The following NRF1 variants were observed in gnomAD, a reference collection of about 807,000 sequenced individuals.
The protein encoded by NRF1 is alpha palindromic-binding protein.
Under a neutral mutation model 58.5 loss-of-function variants are expected in NRF1, and 5 were observed. The ratio of observed to expected loss-of-function variants is 0.09; its 90% CI spans 0.04 to 0.18. NRF1 has a LOEUF of 0.18. NRF1 is among the 10% of genes least tolerant of loss of function. The probability of loss-of-function intolerance (pLI) is 1.00; values close to 1 mark genes in which losing one functional copy is unlikely to be tolerated. For synonymous variants in NRF1, 224 were observed against 246.7 expected (o/e 0.91, Z 0.86); for missense variants, 288 against 657.7 (o/e 0.44, Z 6.15).
At chr7:129,635,062 G>C (rs973980869) in intron 1 of NRF1, among the ~76,000 whole-genome samples, 2 of 152,100 alleles carry the variant, frequency 1.3e-5, no homozygotes, top group African/African-American at 4.8e-5. Flanking sequence ...GCATTTGTTG[G>C]AATAGTGTAT....
intron 9 of NRF1, among the ~76,000 whole-genome samples, chr7:129,718,490 G>A (rs1803242180): frequency 6.6e-6 from 1 of 152,172 alleles, no homozygotes; most frequent in Non-Finnish European, 1.5e-5. Flanking sequence ...TACTGGGTAA[G>A]GCTGTAAATA....
chr7:129,734,998 T>G (rs1348128394), intron 10 of NRF1: 1 of 947,242 alleles, frequency 1.1e-6, no homozygotes, highest in African/African-American at 1.8e-5. Flanking sequence ...AGGGGCGTGT[T>G]CATTTTTGCC....
At chr7:129,695,508 G>A (rs1169657327) in intron 5 of NRF1, among the ~76,000 whole-genome samples, 6 of 151,434 alleles carry the variant, frequency 4.0e-5, no homozygotes, top group East Asian at 1.9e-4. Flanking sequence ...CCTGGGAGGC[G>A]GAGGTTACAT....
chr7:129,682,630 TA>T (rs771494622), intron 4 of NRF1, among the ~76,000 whole-genome samples: 14,905 of 87,862 alleles, frequency 0.17, 1,098 homozygotes, highest in African/African-American at 0.29. Context: ...CAAAAAAATG[TA>T]AAAAAAAAAA....
intron 9 of NRF1, among the ~76,000 whole-genome samples, chr7:129,719,875 C>G (rs970994936): frequency 2.0e-5 from 3 of 152,134 alleles, no homozygotes; most frequent in South Asian, 2.1e-4. Flanking sequence ...ACCAGCAAAA[C>G]TTGATTTCAT....
chr7:129,659,833 C>A (rs2151076960), intron 2 of NRF1, among the ~76,000 whole-genome samples: 1 of 152,296 alleles, frequency 6.6e-6, no homozygotes, highest in Admixed American at 6.5e-5. Flanking sequence ...TGTCTCTTAA[C>A]CATCTGTTCT....
chr7:129,715,061 A>T (rs1331278928), intron 8 of NRF1, among the ~76,000 whole-genome samples: 3 of 152,172 alleles, frequency 2.0e-5, no homozygotes, highest in African/African-American at 7.2e-5. Flanking sequence ...TTCAGTTTTG[A>T]GGGTGGGTAG....
intron 1 of NRF1, among the ~76,000 whole-genome samples, chr7:129,619,996 G>GGTCCACAACATTTATGAGATTT (rs1034153054): frequency 6.6e-6 from 1 of 151,828 alleles, no homozygotes; most frequent in African/African-American, 2.4e-5. Flanking sequence ...CTGGGGAGAG[G>GGTCCACAACATTTATGAGATTT]GTCCACAACA....
chr7:129,687,808 A>T (rs184553517), intron 4 of NRF1, among the ~76,000 whole-genome samples: 1 of 152,356 alleles, frequency 6.6e-6, no homozygotes, highest in East Asian at 1.9e-4. Context: ...AGAAAAATGC[A>T]TCTCAGAATT....
At position 129,724,534 on chromosome 7, in the gene NRF1, A is replaced by G. The variant is rs142181285; in HGVS notation, c.1224-2707A>G. Among the ~76,000 whole-genome samples, 65 of 152,362 alleles carry G rather than the reference A, an allele frequency of 4.3e-4. No homozygotes were observed. The East Asian group carries it at 0.012, about 27-fold the overall frequency. ...TTGCAGCAAATCCACTTCTGGGTAC[A>G]TATCCCAAAGAATTGAAAGCAGGAT... is the stretch of plus-strand genomic sequence containing the variant. On this transcript the variant is annotated intron_variant, in intron 9 of 10. Coordinates refer to ENST00000393232, the MANE Select transcript of NRF1 (RefSeq NM_005011.5).
chr7:129,693,270 T>C (rs1348801235), intron 5 of NRF1, among the ~76,000 whole-genome samples: 1 of 152,196 alleles, frequency 6.6e-6, no homozygotes, highest in African/African-American at 2.4e-5. Flanking sequence ...GGTGGCACTT[T>C]TATTTTTTAT....
At position 129,677,689 on chromosome 7, in the gene NRF1, C is replaced by A. The variant is rs767600512; in HGVS notation, c.396C>A (p.Val132=). ...CTCGTGTGGGACAGCAAGCTATTGT[C>A]CTCTGTATCTCACCCTCCAAACCTA... ...YTTRVGQQAI[V]LCISPSKPNP... The change falls in exon 4 of 11, where the codon GTC becomes GTA. Residue 132 remains valine, a synonymous_variant. Transcript: ENST00000393232. The A allele has an allele frequency of 3.7e-6, 6 of 1,614,056 alleles. No homozygotes were observed. The highest frequency in any genetic ancestry group is 5.1e-6 in the Non-Finnish European group (6 of 1,179,920).
At position 129,637,553 on chromosome 7, in the gene NRF1, C is replaced by T. The variant is rs534570325; in HGVS notation, c.-6-19793C>T. ...TTTTATAATCCATAATTCTATTTTG[C>T]ATAGATAAAAAGTATTCTTAATAGT... On this transcript the variant is annotated intron_variant, in intron 1 of 10. Coordinates refer to ENST00000393232, the MANE Select transcript of NRF1 (RefSeq NM_005011.5). Among the ~76,000 whole-genome samples, 4 of 151,926 alleles carry T rather than the reference C, an allele frequency of 2.6e-5. No individual in the cohort carries two copies. The South Asian group carries it at 8.3e-4, about 32-fold the overall frequency.
At chr7:129,611,954 C>A (rs1364796304) in intron 1 of NRF1, 130 bp downstream of exon 1, 1 of 148,462 alleles carries the variant, frequency 6.7e-6, no homozygotes, top group African/African-American at 2.4e-5. Flanking sequence ...GCCTGGGCCC[C>A]CGCCGGATTC....
At chr7:129,692,208 A>G (rs1473486533) in intron 5 of NRF1, among the ~76,000 whole-genome samples, 1 of 152,082 alleles carries the variant, frequency 6.6e-6, no homozygotes, top group East Asian at 1.9e-4. Context: ...CATCTCTCAT[A>G]TAGCCTATCC....
intron 5 of NRF1, among the ~76,000 whole-genome samples, 174 bp from the exon 6 acceptor site, chr7:129,708,901 A>G (rs1803009738): frequency 1.3e-5 from 2 of 152,106 alleles, no homozygotes; most frequent in Non-Finnish European, 2.9e-5. Context: ...ATTCTCAACC[A>G]CCCATGGAGA....
chr7:129,695,279 A>G (rs1472814486), intron 5 of NRF1, among the ~76,000 whole-genome samples: 2 of 151,986 alleles, frequency 1.3e-5, no homozygotes, highest in African/African-American at 4.8e-5. Context: ...AGGGATGCAC[A>G]TTAAAATCTT....
At chr7:129,628,315 T>C (rs1401771298) in intron 1 of NRF1, among the ~76,000 whole-genome samples, 1 of 148,956 alleles carries the variant, frequency 6.7e-6, no homozygotes, top group African/African-American at 2.5e-5. Context: ...TAATCTTTGC[T>C]CTCCTGACCC....
intron 1 of NRF1, among the ~76,000 whole-genome samples, chr7:129,613,606 A>C (rs938517904): frequency 3.3e-5 from 5 of 152,084 alleles, no homozygotes; most frequent in African/African-American, 1.2e-4. Context: ...AGATTAAGAA[A>C]ACTCTTTACG....
Sources: allele counts gnomAD v4.1 joint callset (sites outside exome capture counted in the v4.1 genomes callset), GRCh38; gene constraint gnomAD v4.1.1; transcripts MANE v1.5; gene names NCBI Gene and HGNC (gene_info 2026-07-23, HGNC 2026-07-21).